The following LINGO2 variants were observed in gnomAD, a reference collection of about 807,000 sequenced individuals.
LINGO2 encodes the protein leucine rich repeat and Ig domain containing 2.
In LINGO2, 14 loss-of-function variants were observed where a neutral mutation model predicts 30.6. That is an observed-to-expected ratio of 0.46 (90% CI 0.30 to 0.72). LINGO2 has a LOEUF of 0.72. Ranked by LOEUF, LINGO2 falls within the 30% of genes least tolerant of loss-of-function variation. The pLI is 0.07. For synonymous variants in LINGO2, 317 were observed against 288.5 expected (o/e 1.10, Z -1.00); for missense variants, 729 against 751.7 (o/e 0.97, Z 0.35).
At chr9:28,079,108 T>C (rs1825704820) in intron 4 of LINGO2, among the ~76,000 whole-genome samples, 1 of 149,388 alleles carries the variant, frequency 6.7e-6, no homozygotes, top group Admixed American at 6.6e-5. Context: ...TTGTTAAATT[T>C]GCAGGTGACA....
chr9:28,427,705 C>T (rs536039039), intron 2 of LINGO2, among the ~76,000 whole-genome samples: 20 of 152,166 alleles, frequency 1.3e-4, no homozygotes, highest in African/African-American at 4.8e-4. Flanking sequence ...CTAAATCAGC[C>T]CTCTGTGGCA....
At chr9:28,794,034 G>C in the LINGO2 span, among the ~76,000 whole-genome samples, 421 of 152,264 alleles carry the variant, frequency 2.8e-3, 3 homozygotes, top group African/African-American at 9.6e-3. Context: ...GACTGAGGGC[G>C]GTGGCTCACG....
chr9:29,069,239 A>G, the LINGO2 span, among the ~76,000 whole-genome samples: 1 of 151,984 alleles, frequency 6.6e-6, no homozygotes, highest in African/African-American at 2.4e-5. Flanking sequence ...TAGAAGTTAT[A>G]AGTTATATTT....
chr9:28,051,401 T>C (rs1824665926), intron 4 of LINGO2, among the ~76,000 whole-genome samples: 1 of 152,130 alleles, frequency 6.6e-6, no homozygotes, highest in Non-Finnish European at 1.5e-5. Context: ...ATTTGTCCAC[T>C]GATTCTGGAA....
At chr9:28,465,838 G>T (rs1180220748) in intron 2 of LINGO2, among the ~76,000 whole-genome samples, 1 of 152,034 alleles carries the variant, frequency 6.6e-6, no homozygotes, top group Non-Finnish European at 1.5e-5. Context: ...ACACAAAATG[G>T]CAAACAGGCA....
chr9:28,806,338 C>A, the LINGO2 span, among the ~76,000 whole-genome samples: 1 of 152,090 alleles, frequency 6.6e-6, no homozygotes, highest in African/African-American at 2.4e-5. Flanking sequence ...CTTCACGATC[C>A]CTTGTTGCTA....
the LINGO2 span, among the ~76,000 whole-genome samples, chr9:28,910,141 G>C: frequency 1.3e-5 from 2 of 151,648 alleles, no homozygotes; most frequent in Admixed American, 6.6e-5. Flanking sequence ...ACCCTTTTTT[G>C]AGTACTTTCA....
At chr9:29,181,518 C>T in the LINGO2 span, among the ~76,000 whole-genome samples, 23 of 152,006 alleles carry the variant, frequency 1.5e-4, no homozygotes, top group Admixed American at 1.4e-3. Context: ...ATCAGTCAGA[C>T]ATTACAGTTT....
chr9:28,612,927 G>A (rs552238114), intron 1 of LINGO2, among the ~76,000 whole-genome samples: 13 of 152,212 alleles, frequency 8.5e-5, no homozygotes, highest in African/African-American at 3.1e-4. Context: ...AAGTGTCAAG[G>A]GAGAGACCAG....
the LINGO2 span, among the ~76,000 whole-genome samples, chr9:29,021,265 A>G: frequency 6.6e-6 from 1 of 152,286 alleles, no homozygotes; most frequent in African/African-American, 2.4e-5. Flanking sequence ...GAAGAGAAAA[A>G]GGGAAGAAGG....
At chr9:28,743,788 C>T in the LINGO2 span, among the ~76,000 whole-genome samples, 1 of 151,588 alleles carries the variant, frequency 6.6e-6, no homozygotes, top group African/African-American at 2.4e-5. Context: ...ATGTATCTGC[C>T]TATGGATCTC....
At chr9:29,163,591 A>C in the LINGO2 span, among the ~76,000 whole-genome samples, 3 of 152,166 alleles carry the variant, frequency 2.0e-5, no homozygotes, top group African/African-American at 7.2e-5. Context: ...AAAAGTATTT[A>C]TCCATTTCTT....
the LINGO2 span, among the ~76,000 whole-genome samples, chr9:29,192,752 C>G: frequency 1.3e-5 from 2 of 152,108 alleles, no homozygotes; most frequent in African/African-American, 2.4e-5. Context: ...TTATAAAAAC[C>G]CAGGCAGGGT....
chr9:28,498,200 T>C (rs1819730775), intron 1 of LINGO2, among the ~76,000 whole-genome samples: 1 of 152,172 alleles, frequency 6.6e-6, no homozygotes, highest in South Asian at 2.1e-4. Context: ...GACAGGGACA[T>C]TTAAGTCTGC....
intron 1 of LINGO2, among the ~76,000 whole-genome samples, chr9:28,515,001 C>A (rs1587789781): frequency 1.3e-5 from 2 of 151,682 alleles, no homozygotes; most frequent in East Asian, 3.9e-4. Context: ...ATATTTTAGG[C>A]CCATTGTTAA....
intron 1 of LINGO2, among the ~76,000 whole-genome samples, chr9:28,483,340 C>T (rs1163840155): frequency 6.6e-6 from 1 of 151,872 alleles, no homozygotes; most frequent in Non-Finnish European, 1.5e-5. Context: ...TAAATGAGTT[C>T]CAGTATAAAT....
At chr9:28,132,406 A>C (rs1364458236) in intron 4 of LINGO2, among the ~76,000 whole-genome samples, 2 of 152,188 alleles carry the variant, frequency 1.3e-5, no homozygotes, top group Non-Finnish European at 2.9e-5. Context: ...CTCCCAACTC[A>C]ATTGCATCTG....
the LINGO2 span, among the ~76,000 whole-genome samples, chr9:28,797,395 G>GAGAGAGAGAT: frequency 1.4e-5 from 2 of 144,590 alleles, no homozygotes; most frequent in African/African-American, 5.1e-5. Context: ...GAGAGAGAGA[G>GAGAGAGAGAT]AAAGCCTGCA....
At chr9:28,859,018 T>C in the LINGO2 span, among the ~76,000 whole-genome samples, 2 of 152,050 alleles carry the variant, frequency 1.3e-5, no homozygotes, top group Non-Finnish European at 2.9e-5. Flanking sequence ...GGCACTTTCA[T>C]TCCTTTATCT....
Sources: allele counts gnomAD v4.1 joint callset (sites outside exome capture counted in the v4.1 genomes callset), GRCh38; gene constraint gnomAD v4.1.1; transcripts MANE v1.5; gene names NCBI Gene and HGNC (gene_info 2026-07-23, HGNC 2026-07-21).